The following MED13L variants were observed in gnomAD, a reference collection of about 807,000 sequenced individuals.
The protein encoded by MED13L is mediator of RNA polymerase II transcription subunit 13-like.
MED13L carries 7 observed loss-of-function variants against 220.9 expected under a neutral mutation model. That is an observed-to-expected ratio of 0.03 (90% CI 0.02 to 0.06). The LOEUF is 0.06. MED13L is among the 10% of genes least tolerant of loss of function. MED13L has a pLI of 1.00. For missense variants in MED13L, 1,965 were observed against 2,760.5 expected (o/e 0.71, Z 6.46); for synonymous variants, 1,011 against 1,015.2 (o/e 1.00, Z 0.08).
chr12:116,132,279 CAAAA>C (rs1005783459), intron 2 of MED13L, among the ~76,000 whole-genome samples: 3 of 77,410 alleles, frequency 3.9e-5, no homozygotes, highest in East Asian at 3.9e-4. Flanking sequence ...TACTTCGTCT[CAAAA>C]AAAAAAAAAA....
chr12:116,076,148 C>T (rs901335935), intron 4 of MED13L, among the ~76,000 whole-genome samples: 1 of 152,022 alleles, frequency 6.6e-6, no homozygotes, highest in Admixed American at 6.6e-5. Context: ...CTCCTGACCT[C>T]GTGATCCGCC....
chr12:116,078,512 C>A (rs550117752), intron 4 of MED13L, among the ~76,000 whole-genome samples: 1 of 152,318 alleles, frequency 6.6e-6, no homozygotes, highest in Non-Finnish European at 1.5e-5. Context: ...TATGACTTAA[C>A]TTCTCTGAAC....
intron 23 of MED13L, 41 bp from the exon 24 acceptor site, chr12:115,975,779 C>G: frequency 6.3e-7 from 1 of 1,578,476 alleles, no homozygotes; most frequent in Non-Finnish European, 8.7e-7. Context: ...CAAAGCCATA[C>G]AACTTAATGA....
chr12:116,230,737 AAT>A (rs1180892028), intron 2 of MED13L, among the ~76,000 whole-genome samples: 15 of 152,168 alleles, frequency 9.9e-5, no homozygotes, highest in African/African-American at 2.2e-4. Flanking sequence ...TTATATATAA[AAT>A]AGTCATTACT....
At chr12:116,065,106 G>A (rs1426619771) in intron 4 of MED13L, among the ~76,000 whole-genome samples, 1 of 152,068 alleles carries the variant, frequency 6.6e-6, no homozygotes, top group Non-Finnish European at 1.5e-5. Flanking sequence ...AAATGTCCCA[G>A]CAACATTATT....
chr12:116,028,259 T>A (rs1880521063), intron 4 of MED13L, among the ~76,000 whole-genome samples: 1 of 152,218 alleles, frequency 6.6e-6, no homozygotes, highest in African/African-American at 2.4e-5. Context: ...ATAGATATGT[T>A]AGGGTATACA....
chr12:116,007,148 G>A (rs1879098534), intron 11 of MED13L: 1 of 492,058 alleles, frequency 2.0e-6, no homozygotes, highest in East Asian at 3.7e-5. Context: ...TAGCATATGA[G>A]AGAAAACATG....
At chr12:116,090,704 T>C (rs984568358) in intron 4 of MED13L, among the ~76,000 whole-genome samples, 2 of 152,216 alleles carry the variant, frequency 1.3e-5, no homozygotes, top group African/African-American at 4.8e-5. Context: ...GAAGATCATC[T>C]ACATTTCCGG....
chr12:116,220,525 C>T (rs1231087231), intron 2 of MED13L, among the ~76,000 whole-genome samples: 1 of 152,104 alleles, frequency 6.6e-6, no homozygotes, highest in Non-Finnish European at 1.5e-5. Context: ...ATGGCGAAAC[C>T]CCATCTCTAC....
chr12:116,194,692 A>G (rs1205196874), intron 2 of MED13L, among the ~76,000 whole-genome samples: 1 of 152,252 alleles, frequency 6.6e-6, no homozygotes, highest in Non-Finnish European at 1.5e-5. Flanking sequence ...GATTGTTTAA[A>G]AAATCAAAAG....
At chr12:116,008,334 G>C in intron 10 of MED13L, 67 bp downstream of exon 10, 1 of 1,528,580 alleles carries the variant, frequency 6.5e-7, no homozygotes, top group Non-Finnish European at 8.8e-7. Flanking sequence ...AAGTTTAGCA[G>C]GTAGAGATGG....
In MED13L at chr12:116,006,770, T is replaced by C. The variant is rs540371610; in HGVS notation, c.2239-359A>G. On this transcript the variant is annotated intron_variant, in intron 11 of 30. Coordinates refer to ENST00000281928, the MANE Select transcript of MED13L (RefSeq NM_015335.5). ...GGCTTTCTGGGTCTAGGGAGATCTGTATAAAACAATCTAAAAAGCATTCCC... is the reference window on the plus strand; with the variant it reads ...GGCTTTCTGGGTCTAGGGAGATCTGCATAAAACAATCTAAAAAGCATTCCC... The C allele has an allele frequency of 6.5e-5, 18 of 278,338 alleles. No homozygotes were observed. In the East Asian group the frequency reaches 1.5e-3, roughly 24 times the overall value. The allele number at this position is 278,338 out of a possible 1,614,324, so 17.2% of individuals were successfully genotyped here. A position where few individuals can be genotyped will look rare whatever the true frequency, so the allele number is the denominator to read the frequency against.
intron 2 of MED13L, among the ~76,000 whole-genome samples, chr12:116,149,461 C>G (rs1317060246): frequency 3.3e-5 from 5 of 152,146 alleles, no homozygotes; most frequent in African/African-American, 1.2e-4. Context: ...AAACATGCTT[C>G]CCGCATTTTT....
At chr12:116,209,106 T>A (rs2138343282) in intron 2 of MED13L, among the ~76,000 whole-genome samples, 1 of 152,342 alleles carries the variant, frequency 6.6e-6, no homozygotes, top group East Asian at 1.9e-4. Context: ...AATTAATATA[T>A]CTTTATAAAT....
chr12:116,235,968 C>CTTT (rs1870042299), intron 2 of MED13L, among the ~76,000 whole-genome samples: 1 of 151,938 alleles, frequency 6.6e-6, no homozygotes, highest in Non-Finnish European at 1.5e-5. Flanking sequence ...AAGAAAGACA[C>CTTT]TTTTTAAAAA....
At position 116,009,016 on chromosome 12, in the gene MED13L, T is replaced by G; in HGVS notation, c.1397A>C (p.Lys466Thr). 1 of 1,614,062 alleles carries G rather than the reference T, an allele frequency of 6.2e-7. No homozygotes were observed. The highest frequency in any genetic ancestry group is 8.5e-7 in the Non-Finnish European group (1 of 1,180,004). ...SSSLPPPASS[K>T]HKTAERQEKG... Reference sequence around the variant, plus strand: ...TTCCTGTCTTTCTGCTGTTTTGTGCTTAGAAGAAGCAGGAGGTGGTAAAGA... The same window carrying G: ...TTCCTGTCTTTCTGCTGTTTTGTGCGTAGAAGAAGCAGGAGGTGGTAAAGA... The change falls in exon 10 of 31, where the codon AAG becomes ACG. Residue 466 changes from lysine to threonine, a missense_variant. This residue lies in a region of MED13L where 818 missense variants were observed against 1,041.2 expected (regional missense o/e 0.79). Transcript: ENST00000281928.
intron 2 of MED13L, among the ~76,000 whole-genome samples, chr12:116,152,943 A>G (rs1482110406): frequency 3.3e-5 from 5 of 152,004 alleles, no homozygotes; most frequent in Non-Finnish European, 4.4e-5. Flanking sequence ...AGTTAAAAAG[A>G]GCAGGAAAAA....
At chr12:116,237,283 G>A (rs1870172025) in intron 2 of MED13L, among the ~76,000 whole-genome samples, 185 bp downstream of exon 2, 1 of 152,106 alleles carries the variant, frequency 6.6e-6, no homozygotes, top group Non-Finnish European at 1.5e-5. Context: ...ACTGGAAAAG[G>A]ACAAGAGTTA....
chr12:116,220,260 T>G (rs1211732878), intron 2 of MED13L, among the ~76,000 whole-genome samples: 4 of 152,214 alleles, frequency 2.6e-5, no homozygotes, highest in Non-Finnish European at 4.4e-5. Flanking sequence ...AATAATAATC[T>G]GAATTACTAT....
Sources: gnomAD v4.1 joint callset for allele counts (sites outside exome capture counted in the v4.1 genomes callset) on GRCh38, gnomAD v4.1.1 for gene constraint, gnomAD v4.1.1 regional missense constraint, MANE v1.5 for transcripts, NCBI Gene and HGNC (gene_info 2026-07-23, HGNC 2026-07-21) for gene names.